THSD4: variants seen among roughly 807,000 people sequenced by gnomAD.
THSD4 encodes thrombospondin type-1 domain-containing protein 4.
Under a neutral mutation model 119.0 loss-of-function variants are expected in THSD4, and 69 were observed. The observed-to-expected ratio is 0.58, with a 90% CI of 0.48 to 0.71. The LOEUF (loss-of-function observed/expected upper bound fraction) is 0.71, where lower values mean the gene tolerates loss of function less well. Ranked by LOEUF, THSD4 falls within the 30% of genes least tolerant of loss-of-function variation. The pLI is 0.00. For synonymous variants in THSD4, 524 were observed against 540.4 expected (o/e 0.97, Z 0.42); for missense variants, 1,393 against 1,391.1 (o/e 1.00, Z -0.02).
chr15:71,581,830 G>A (rs921823333), intron 7 of THSD4, among the ~76,000 whole-genome samples: 4 of 152,110 alleles, frequency 2.6e-5, no homozygotes, highest in African/African-American at 7.2e-5. Flanking sequence ...GACTGTAAAC[G>A]TGTGGGTTTA....
At chr15:71,423,417 C>A (rs2046833087) in intron 7 of THSD4, among the ~76,000 whole-genome samples, 2 of 152,146 alleles carry the variant, frequency 1.3e-5, no homozygotes, top group African/African-American at 2.4e-5. Context: ...GTGATGAATC[C>A]TGCCAGGACT....
chr15:71,409,080 G>T (rs1272030406), intron 6 of THSD4, among the ~76,000 whole-genome samples: 1 of 151,994 alleles, frequency 6.6e-6, no homozygotes, highest in Non-Finnish European at 1.5e-5. Flanking sequence ...CAGAGTTAAG[G>T]CCATTCCTCT....
intron 7 of THSD4, among the ~76,000 whole-genome samples, chr15:71,615,771 A>G (rs2050309554): frequency 6.6e-6 from 1 of 152,246 alleles, no homozygotes; most frequent in Admixed American, 6.5e-5. Flanking sequence ...AGCCCTGGCT[A>G]GGTGAGAAGA....
In THSD4 at chr15:71,733,910, CAAAAAAAAAAAAA is replaced by C. The variant is rs773198822; in HGVS notation, c.1630+2704_1630+2716del. ...GGGTGACAGAGTGAGACTCTGTCTCCAAAAAAAAAAAAAAAAAAAAAAATTGCTGAGAAAGCCC... is the reference window on the plus strand; with the variant it reads ...GGGTGACAGAGTGAGACTCTGTCTCCAAAAAAAAAATTGCTGAGAAAGCCC... On this transcript the variant is annotated intron_variant, in intron 10 of 17. Coordinates refer to ENST00000261862, the MANE Select transcript of THSD4 (RefSeq NM_024817.3). The C allele has an allele frequency of 8.1e-5, 6 of 74,336 alleles. No homozygotes were observed. In the East Asian group the frequency reaches 2.3e-3, roughly 28 times the overall value. 4.6% of individuals were successfully genotyped at this position (74,336 alleles called of 1,614,324 possible). A position where few individuals can be genotyped will look rare whatever the true frequency, so the allele number is the denominator to read the frequency against.
intron 7 of THSD4, among the ~76,000 whole-genome samples, chr15:71,462,865 G>C (rs1309744609): frequency 6.6e-6 from 1 of 152,216 alleles, no homozygotes; most frequent in East Asian, 1.9e-4. Context: ...AATGTTGTCT[G>C]TTGGCAAGGT....
chr15:71,112,623 C>T (rs1052985025), upstream of THSD4, among the ~76,000 whole-genome samples: 5 of 152,224 alleles, frequency 3.3e-5, no homozygotes, highest in Non-Finnish European at 7.3e-5. Context: ...CTGACACTGA[C>T]ATGCCAGGCA....
At chr15:71,760,170 A>C (rs2053606579) in intron 15 of THSD4, among the ~76,000 whole-genome samples, 1 of 152,208 alleles carries the variant, frequency 6.6e-6, no homozygotes, top group African/African-American at 2.4e-5. Context: ...AGGAGTAGAC[A>C]TGTGATCCAA....
chr15:71,357,065 G>T (rs540470533), intron 6 of THSD4, among the ~76,000 whole-genome samples: 29 of 152,300 alleles, frequency 1.9e-4, no homozygotes, highest in Non-Finnish European at 3.5e-4. Flanking sequence ...GGTACACAGG[G>T]CATGGCAGCT....
chr15:71,499,695 C>T (rs2048082656), intron 7 of THSD4, among the ~76,000 whole-genome samples: 1 of 152,210 alleles, frequency 6.6e-6, no homozygotes, highest in East Asian at 1.9e-4. Context: ...CCATTCTACT[C>T]TCCGTTTCTA....
chr15:71,271,596 CT>C (rs1221101311), intron 6 of THSD4, among the ~76,000 whole-genome samples: 1 of 152,210 alleles, frequency 6.6e-6, no homozygotes, highest in Non-Finnish European at 1.5e-5. Context: ...GAACTATACA[CT>C]TATGTGCATT....
At chr15:71,143,329 C>T (rs920276167) in intron 2 of THSD4, among the ~76,000 whole-genome samples, 11 of 151,892 alleles carry the variant, frequency 7.2e-5, no homozygotes, top group African/African-American at 1.7e-4. Context: ...ATGAAATATG[C>T]ATCTAGTTTG....
chr15:71,527,322 C>T (rs1478730813), intron 7 of THSD4, among the ~76,000 whole-genome samples: 1 of 152,142 alleles, frequency 6.6e-6, no homozygotes, highest in African/African-American at 2.4e-5. Context: ...ACTAAGACAG[C>T]CATTTATTGA....
At chr15:71,600,746 T>G in intron 7 of THSD4, among the ~76,000 whole-genome samples, 1 of 140,878 alleles carries the variant, frequency 7.1e-6, no homozygotes, top group African/African-American at 3.0e-5. Context: ...TTTTCTTTCT[T>G]TCTTTTTTTT....
intron 6 of THSD4, among the ~76,000 whole-genome samples, chr15:71,312,966 C>T (rs1403305473): frequency 6.6e-6 from 1 of 152,210 alleles, no homozygotes. Context: ...TCTGCGAGAG[C>T]AGGGACTTCC....
At chr15:71,341,876 C>T (rs1206922119) in intron 6 of THSD4, among the ~76,000 whole-genome samples, 1 of 151,854 alleles carries the variant, frequency 6.6e-6, no homozygotes, top group Non-Finnish European at 1.5e-5. Context: ...GAATAATGAC[C>T]TTAATGCTCT....
chr15:71,282,549 T>G (rs1036183626), intron 6 of THSD4, among the ~76,000 whole-genome samples: 2 of 152,202 alleles, frequency 1.3e-5, no homozygotes, highest in African/African-American at 4.8e-5. Flanking sequence ...ATATCCTAGC[T>G]AAGCTCTGCT....
chr15:71,468,875 G>A (rs914729193), intron 7 of THSD4, among the ~76,000 whole-genome samples: 10 of 152,162 alleles, frequency 6.6e-5, no homozygotes, highest in African/African-American at 2.2e-4. Flanking sequence ...CCCAAAAGTT[G>A]CACACTACTT....
At chr15:71,745,884 G>T (rs1050047915) in intron 12 of THSD4, among the ~76,000 whole-genome samples, 3 of 152,088 alleles carry the variant, frequency 2.0e-5, no homozygotes, top group Non-Finnish European at 4.4e-5. Flanking sequence ...AGCACTAATG[G>T]TCTGCCCACC....
upstream of THSD4, chr15:71,111,914 C>A: frequency 1.8e-6 from 1 of 567,162 alleles, no homozygotes; most frequent in Admixed American, 3.5e-5. Flanking sequence ...GATTCCACGT[C>A]AAATACATTT....
Sources: allele counts gnomAD v4.1 joint callset (sites outside exome capture counted in the v4.1 genomes callset), GRCh38; gene constraint gnomAD v4.1.1; transcripts MANE v1.5; gene names NCBI Gene and HGNC (gene_info 2026-07-23, HGNC 2026-07-21).